The following SKAP1 variants were observed in gnomAD, a reference collection of about 807,000 sequenced individuals.
SKAP1 encodes the protein src kinase associated phosphoprotein 1, also known as src kinase-associated phosphoprotein 1.
SKAP1 carries 44 observed loss-of-function variants against 58.5 expected under a neutral mutation model. The observed-to-expected ratio is 0.75, with a 90% CI of 0.59 to 0.97. The LOEUF is 0.97. Among genes scored for constraint, SKAP1 ranks in the 50% least tolerant of loss-of-function variants. The probability of loss-of-function intolerance (pLI) is 0.00; values close to 1 mark genes in which losing one functional copy is unlikely to be tolerated. For missense variants in SKAP1, 390 were observed against 435.2 expected, an observed-to-expected ratio of 0.90 and a Z score of 0.92; for synonymous variants, 127 against 149.7, an observed-to-expected ratio of 0.85 and a Z score of 1.11.
chr17:48,152,986 G>T (rs946563698), intron 11 of SKAP1, among the ~76,000 whole-genome samples: 1 of 151,408 alleles, frequency 6.6e-6, no homozygotes, highest in Non-Finnish European at 1.5e-5. Flanking sequence ...TAATTATCTG[G>T]TCTGGAATTT....
intron 11 of SKAP1, among the ~76,000 whole-genome samples, chr17:48,158,567 C>CAAAAAAAAAAAAAAAAAAA (rs1171183021): frequency 3.3e-5 from 2 of 61,510 alleles, no homozygotes; most frequent in Non-Finnish European, 5.5e-5. Flanking sequence ...GACTCTGTCT[C>CAAAAAAAAAAAAAAAAAAA]AAAAAAAAAA....
intron 10 of SKAP1, among the ~76,000 whole-genome samples, chr17:48,163,292 T>C (rs1815976163): frequency 6.6e-6 from 1 of 152,134 alleles, no homozygotes; most frequent in African/African-American, 2.4e-5. Flanking sequence ...GCATTAAAAA[T>C]GAAAGCAACT....
chr17:48,268,553 G>A lies in SKAP1; in HGVS notation c.280+77352C>T, dbSNP rs111658145. Among the ~76,000 whole-genome samples, 1,468 of 152,034 alleles carry A rather than the reference G, an allele frequency of 9.7e-3. 8 individuals carry two copies. The highest frequency in any genetic ancestry group is 0.024 in the Middle Eastern group (7 of 294). ...GTTGCACAGGCTGGAGTGCAGTGGCGTGATCTCTGTTCACTGCAACCTCCG... is the reference window on the plus strand; with the variant it reads ...GTTGCACAGGCTGGAGTGCAGTGGCATGATCTCTGTTCACTGCAACCTCCG... On this transcript the variant is annotated intron_variant, in intron 4 of 12. Transcript: ENST00000336915.
chr17:48,270,279 A>G (rs1364703640), intron 4 of SKAP1, among the ~76,000 whole-genome samples: 1 of 152,180 alleles, frequency 6.6e-6, no homozygotes, highest in Non-Finnish European at 1.5e-5. Flanking sequence ...ATGTGCTCAC[A>G]CATACACACC....
intron 4 of SKAP1, among the ~76,000 whole-genome samples, chr17:48,226,692 T>A (rs1415276771): frequency 6.6e-6 from 1 of 152,214 alleles, no homozygotes; most frequent in Non-Finnish European, 1.5e-5. Flanking sequence ...CATAGATCTA[T>A]CAGATGAGTT....
At chr17:48,275,557 T>C (rs1256019121) in intron 4 of SKAP1, among the ~76,000 whole-genome samples, 2 of 152,242 alleles carry the variant, frequency 1.3e-5, no homozygotes, top group Non-Finnish European at 2.9e-5. Context: ...AGCCTTTCAT[T>C]TGAAGTTTTG....
intron 4 of SKAP1, among the ~76,000 whole-genome samples, chr17:48,306,954 A>G (rs1466466655): frequency 6.6e-6 from 1 of 152,238 alleles, no homozygotes; most frequent in South Asian, 2.1e-4. Context: ...TTTTGCAGGT[A>G]GCGGTAAAAC....
chr17:48,209,107 C>T (rs533206164), intron 4 of SKAP1, among the ~76,000 whole-genome samples: 1 of 152,190 alleles, frequency 6.6e-6, no homozygotes, highest in East Asian at 1.9e-4. Context: ...CTCAAGCCTC[C>T]TAGTTAGTAA....
intron 11 of SKAP1, chr17:48,156,582 C>A: frequency 2.5e-6 from 1 of 400,088 alleles, no homozygotes; most frequent in Admixed American, 2.7e-5. Context: ...ACAGGAACAT[C>A]CGCTGGATGC....
At chr17:48,401,013 A>G (rs895022595) in intron 1 of SKAP1, among the ~76,000 whole-genome samples, 2 of 152,082 alleles carry the variant, frequency 1.3e-5, no homozygotes, top group African/African-American at 4.8e-5. Context: ...ATTTTGAAAA[A>G]GAGAGACAAT....
intron 2 of SKAP1, among the ~76,000 whole-genome samples, chr17:48,364,090 G>T (rs1051512824): frequency 6.6e-6 from 1 of 152,202 alleles, no homozygotes; most frequent in African/African-American, 2.4e-5. Context: ...GTGGCCTGGG[G>T]TTTCTCATCA....
At chr17:48,428,655 C>G (rs555863245) in intron 1 of SKAP1, among the ~76,000 whole-genome samples, 13 of 152,218 alleles carry the variant, frequency 8.5e-5, no homozygotes, top group African/African-American at 2.6e-4. Flanking sequence ...ATGACAGATA[C>G]CAATAAAAAG....
intron 11 of SKAP1, among the ~76,000 whole-genome samples, chr17:48,160,233 G>A (rs2064048503): frequency 6.6e-6 from 1 of 152,114 alleles, no homozygotes; most frequent in Admixed American, 6.5e-5. Flanking sequence ...GGGCTCAAGT[G>A]ATTCTCCCAG....
intron 4 of SKAP1, among the ~76,000 whole-genome samples, chr17:48,309,426 A>G (rs1226660948): frequency 2.0e-5 from 3 of 152,164 alleles, no homozygotes; most frequent in African/African-American, 7.2e-5. Context: ...GACAATTCTC[A>G]AGTAAATTTT....
intron 1 of SKAP1, among the ~76,000 whole-genome samples, chr17:48,429,613 G>C (rs2067891833): frequency 6.6e-6 from 1 of 152,154 alleles, no homozygotes; most frequent in Admixed American, 6.5e-5. Context: ...GGCCCATGGG[G>C]ATCCCATGAG....
chr17:48,414,829 C>G (rs934589184), intron 1 of SKAP1, among the ~76,000 whole-genome samples: 2 of 152,208 alleles, frequency 1.3e-5, no homozygotes, highest in Admixed American at 6.5e-5. Context: ...CACCCAAGAG[C>G]ACTAGGTTTT....
chr17:48,315,057 G>C (rs2066270393), intron 4 of SKAP1, among the ~76,000 whole-genome samples: 1 of 152,138 alleles, frequency 6.6e-6, no homozygotes, highest in East Asian at 1.9e-4. Context: ...ACTGGATTTG[G>C]CATTATTGTT....
intron 4 of SKAP1, among the ~76,000 whole-genome samples, chr17:48,316,969 T>C (rs2066297440): frequency 6.6e-6 from 1 of 152,222 alleles, no homozygotes; most frequent in Non-Finnish European, 1.5e-5. Flanking sequence ...TGATCCTTCA[T>C]CTTCTCCCTT....
intron 9 of SKAP1, among the ~76,000 whole-genome samples, chr17:48,176,277 C>T (rs975813224): frequency 1.3e-5 from 2 of 152,168 alleles, no homozygotes; most frequent in Non-Finnish European, 2.9e-5. Context: ...AGCCAGATTC[C>T]GTTGCCATTG....
Sources: allele counts gnomAD v4.1 joint callset (sites outside exome capture counted in the v4.1 genomes callset), GRCh38; gene constraint gnomAD v4.1.1; transcripts MANE v1.5; gene names NCBI Gene and HGNC (gene_info 2026-07-23, HGNC 2026-07-21).